The following TSHZ2 variants were observed in gnomAD, a reference collection of about 807,000 sequenced individuals.
The protein encoded by TSHZ2 is teashirt homolog 2.
A neutral mutation model predicts 74.4 loss-of-function variants in TSHZ2; 21 were observed. That is an observed-to-expected ratio of 0.28 (90% CI 0.20 to 0.41). The LOEUF (loss-of-function observed/expected upper bound fraction) is 0.41. Among genes scored for constraint, TSHZ2 ranks in the 10% least tolerant of loss-of-function variants. TSHZ2 has a pLI of 1.00. For synonymous variants in TSHZ2, 540 were observed against 515.3 expected, an observed-to-expected ratio of 1.05 and a Z score of -0.65; for missense variants, 1,244 against 1,293.5, an observed-to-expected ratio of 0.96 and a Z score of 0.59.
intron 2 of TSHZ2, among the ~76,000 whole-genome samples, chr20:53,302,467 A>C (rs902316134): frequency 6.6e-6 from 1 of 152,228 alleles, no homozygotes; most frequent in Non-Finnish European, 1.5e-5. Context: ...TTTTGGTCTT[A>C]TCTCATCATC....
intron 1 of TSHZ2, among the ~76,000 whole-genome samples, chr20:52,978,048 C>T (rs1236475946): frequency 2.0e-5 from 3 of 152,210 alleles, no homozygotes; most frequent in South Asian, 2.1e-4. Flanking sequence ...TTTAGGAGGT[C>T]GGTCCCTGAA....
chr20:52,987,063 A>AT (rs1471359978), intron 1 of TSHZ2, among the ~76,000 whole-genome samples: 1 of 152,168 alleles, frequency 6.6e-6, no homozygotes, highest in African/African-American at 2.4e-5. Flanking sequence ...CCCCCAGAAG[A>AT]TAGAGGCTTT....
intron 2 of TSHZ2, among the ~76,000 whole-genome samples, chr20:53,292,982 A>G (rs1240370685): frequency 6.6e-6 from 1 of 152,208 alleles, no homozygotes; most frequent in Non-Finnish European, 1.5e-5. Context: ...CAATCTCATC[A>G]TTGGTCCATT....
intron 1 of TSHZ2, among the ~76,000 whole-genome samples, chr20:53,134,752 G>C (rs1480740555): frequency 1.3e-5 from 2 of 152,040 alleles, no homozygotes; most frequent in African/African-American, 4.8e-5. Flanking sequence ...GATATTTGCT[G>C]CTTTTATATT....
intron 1 of TSHZ2, among the ~76,000 whole-genome samples, chr20:53,167,469 A>G (rs1283248617): frequency 6.6e-6 from 1 of 152,200 alleles, no homozygotes; most frequent in Non-Finnish European, 1.5e-5. Flanking sequence ...GTTTGACCCC[A>G]TCACTCATTC....
At chr20:53,266,772 A>ATTTTTTTTTTTTT in intron 2 of TSHZ2, among the ~76,000 whole-genome samples, 1 of 98,758 alleles carries the variant, frequency 1.0e-5, no homozygotes, top group Non-Finnish European at 1.9e-5. Flanking sequence ...CCGATCGACG[A>ATTTTTTTTTTTTT]TTTTTTTTTT....
chr20:53,244,346 A>C (rs1170314636), intron 1 of TSHZ2, among the ~76,000 whole-genome samples: 2 of 152,210 alleles, frequency 1.3e-5, no homozygotes, highest in Admixed American at 1.3e-4. Context: ...TGAAAAGTCA[A>C]CACCTAAAAA....
At chr20:52,998,227 G>A (rs765791143) in intron 1 of TSHZ2, among the ~76,000 whole-genome samples, 1 of 152,148 alleles carries the variant, frequency 6.6e-6, no homozygotes, top group Admixed American at 6.5e-5. Context: ...GGCATGCAAT[G>A]GCGTGATCTT....
intron 2 of TSHZ2, among the ~76,000 whole-genome samples, chr20:53,313,933 T>G (rs1212043427): frequency 1.3e-5 from 2 of 152,214 alleles, no homozygotes; most frequent in Non-Finnish European, 2.9e-5. Context: ...TCACTGGCTG[T>G]GTATTACCTT....
chr20:53,060,895 T>C (rs1469171676), intron 1 of TSHZ2, among the ~76,000 whole-genome samples: 1 of 152,188 alleles, frequency 6.6e-6, no homozygotes, highest in East Asian at 1.9e-4. Context: ...ATGAATCCTT[T>C]TCCTGGTTTT....
intron 2 of TSHZ2, among the ~76,000 whole-genome samples, chr20:53,320,431 C>G (rs763106353): frequency 3.9e-5 from 6 of 152,192 alleles, no homozygotes; most frequent in Non-Finnish European, 7.3e-5. Context: ...TGCATCAGTT[C>G]TTTTCATTGC....
chr20:53,177,482 T>TA (rs1600725807), intron 1 of TSHZ2, among the ~76,000 whole-genome samples: 1 of 152,184 alleles, frequency 6.6e-6, no homozygotes, highest in Admixed American at 6.5e-5. Context: ...CTGGTGCACA[T>TA]ACGGCTGGTC....
chr20:53,485,945 ACATT>A (rs1395758436), intron 2 of TSHZ2, among the ~76,000 whole-genome samples: 2 of 152,214 alleles, frequency 1.3e-5, no homozygotes, highest in Admixed American at 1.3e-4. Context: ...GGCTTTGAGT[ACATT>A]CAGATTGTTG....
chr20:53,254,258 A>G lies in TSHZ2; in HGVS notation c.800A>G (p.Asp267Gly), dbSNP rs1990407487. 1.2e-6 allele frequency: 2 copies of G among 1,614,032 alleles called. No homozygotes were observed. Among genetic ancestry groups the G allele is most frequent in the East Asian group, 4.5e-5 (2 of 44,894 alleles). Reference protein sequence around the residue: ...KPRKRAFQDMDKEDAQKVLKC... With the variant: ...KPRKRAFQDMGKEDAQKVLKC... Reference sequence around the variant, plus strand: ...AGGAAAAGGGCTTTCCAGGATATGGACAAAGAGGATGCTCAAAAGGTTCTG... The same window carrying G: ...AGGAAAAGGGCTTTCCAGGATATGGGCAAAGAGGATGCTCAAAAGGTTCTG... Residue 267 changes from aspartate (D) to glycine (G), a missense_variant, in exon 2 of 3, where the codon GAC becomes GGC. By Grantham distance (94) the Asp-to-Gly change is moderately conservative. Around this residue, in one of 6 missense-constraint regions of TSHZ2, gnomAD observed 470 missense variants for 456.5 expected, o/e 1.03. Coordinates refer to ENST00000371497, the MANE Select transcript of TSHZ2 (RefSeq NM_173485.6).
At chr20:53,215,054 C>A (rs1331582542) in intron 1 of TSHZ2, among the ~76,000 whole-genome samples, 4 of 152,118 alleles carry the variant, frequency 2.6e-5, no homozygotes, top group Non-Finnish European at 5.9e-5. Context: ...GACCCATAGG[C>A]TAATGTCCTC....
intron 1 of TSHZ2, among the ~76,000 whole-genome samples, chr20:53,111,770 A>G (rs1986539635): frequency 1.3e-5 from 2 of 152,212 alleles, no homozygotes; most frequent in African/African-American, 4.8e-5. Flanking sequence ...TGCAGACCCC[A>G]GATCGAGCCA....
At chr20:53,262,764 T>G (rs948495565) in intron 2 of TSHZ2, among the ~76,000 whole-genome samples, 2 of 152,214 alleles carry the variant, frequency 1.3e-5, no homozygotes, top group African/African-American at 4.8e-5. Flanking sequence ...GCAGTTGCTT[T>G]CTTTCCCGAC....
chr20:53,031,615 G>C (rs1002016125), intron 1 of TSHZ2, among the ~76,000 whole-genome samples: 2 of 152,162 alleles, frequency 1.3e-5, no homozygotes, highest in African/African-American at 4.8e-5. Context: ...AGACGGCAAG[G>C]GTGGAAAAGT....
intron 1 of TSHZ2, among the ~76,000 whole-genome samples, chr20:53,237,709 A>T (rs1989972935): frequency 1.3e-5 from 2 of 152,158 alleles, no homozygotes; most frequent in South Asian, 4.1e-4. Context: ...ATGTTATTAT[A>T]TATTTAGAGA....
Sources: allele counts gnomAD v4.1 joint callset (sites outside exome capture counted in the v4.1 genomes callset), GRCh38; gene constraint gnomAD v4.1.1; regional missense constraint gnomAD v4.1.1; transcripts MANE v1.5; gene names NCBI Gene and HGNC (gene_info 2026-07-23, HGNC 2026-07-21).